CNTNAP4: variants seen among roughly 807,000 people sequenced by gnomAD.
The protein encoded by CNTNAP4 is contactin associated protein family member 4.
CNTNAP4 carries 98 observed loss-of-function variants against 148.4 expected under a neutral mutation model. The ratio of observed to expected loss-of-function variants is 0.66; its 90% CI spans 0.56 to 0.78. The LOEUF (loss-of-function observed/expected upper bound fraction) is 0.78, where lower values mean the gene tolerates loss of function less well. Among genes scored for constraint, CNTNAP4 ranks in the 30% least tolerant of loss-of-function variants. The pLI is 0.00. For synonymous variants in CNTNAP4, 730 were observed against 565.1 expected (o/e 1.29, Z -4.14); for missense variants, 1,935 against 1,565.6 (o/e 1.24, Z -3.98).
chr16:76,356,548 G>C (rs1253303014), intron 3 of CNTNAP4, among the ~76,000 whole-genome samples: 1 of 152,164 alleles, frequency 6.6e-6, no homozygotes, highest in Non-Finnish European at 1.5e-5. Context: ...AAGGATGTTT[G>C]TTTGATAACA....
intron 2 of CNTNAP4, among the ~76,000 whole-genome samples, chr16:76,331,273 C>T (rs369790841): frequency 8.6e-5 from 13 of 151,760 alleles, no homozygotes; most frequent in African/African-American, 1.7e-4. Flanking sequence ...CTGTAAGCTC[C>T]GCCTCCCGGG....
chr16:76,501,238 A>G (rs1012341448), intron 15 of CNTNAP4, among the ~76,000 whole-genome samples: 4 of 152,258 alleles, frequency 2.6e-5, no homozygotes, highest in African/African-American at 4.8e-5. Flanking sequence ...ATGAGGTTGT[A>G]AACTTCGGAT....
At chr16:76,485,331 G>A (rs778887893) in intron 12 of CNTNAP4, among the ~76,000 whole-genome samples, 24 of 151,824 alleles carry the variant, frequency 1.6e-4, no homozygotes, top group Non-Finnish European at 2.6e-4. Flanking sequence ...TGGTCAGGCT[G>A]GTCTCGAACT....
intron 12 of CNTNAP4, among the ~76,000 whole-genome samples, chr16:76,484,532 T>G (rs2081957404): frequency 6.6e-6 from 1 of 152,148 alleles, no homozygotes. Context: ...GTGTTACTAC[T>G]TGAAACTTTC....
chr16:76,482,464 T>C (rs760665567), intron 12 of CNTNAP4, among the ~76,000 whole-genome samples: 21 of 151,056 alleles, frequency 1.4e-4, no homozygotes, highest in Non-Finnish European at 8.8e-5. Flanking sequence ...AGATGTCTGT[T>C]TTTCCATGTT....
At chr16:76,304,500 C>G (rs1199480412) in intron 1 of CNTNAP4, among the ~76,000 whole-genome samples, 1 of 152,146 alleles carries the variant, frequency 6.6e-6, no homozygotes, top group Non-Finnish European at 1.5e-5. Context: ...GAGCCTGGAG[C>G]ATCCCCAAGG....
chr16:76,476,011 C>A lies in CNTNAP4; in HGVS notation c.1728C>A (p.Thr576=). 6.2e-7 allele frequency: 1 copy of A among 1,613,380 alleles called. No individual in the cohort carries two copies. The highest frequency in any genetic ancestry group is 1.1e-5 in the South Asian group (1 of 91,054). Residue 576 remains threonine, a synonymous_variant, in exon 11 of 24, where the codon ACC becomes ACA. Transcript: ENST00000611870. ...QSWSTFHCNC[T]NTGYRGATCH... ...GGAGCACCTTTCATTGTAACTGTACCAACACTGGTTACAGAGGAGCTACTT... is the reference window on the plus strand; with the variant it reads ...GGAGCACCTTTCATTGTAACTGTACAAACACTGGTTACAGAGGAGCTACTT...
At chr16:76,283,444 C>T (rs1456003193) in intron 1 of CNTNAP4, among the ~76,000 whole-genome samples, 1 of 151,870 alleles carries the variant, frequency 6.6e-6, no homozygotes, top group Non-Finnish European at 1.5e-5. Flanking sequence ...ATAAAGAAAA[C>T]TGGTACATAT....
At chr16:76,313,891 CTAAA>C (rs987364187) in intron 1 of CNTNAP4, among the ~76,000 whole-genome samples, 53 of 152,000 alleles carry the variant, frequency 3.5e-4, no homozygotes, top group African/African-American at 8.4e-4. Flanking sequence ...ATGTTAAAAA[CTAAA>C]TAGAGAAATA....
rs1568498033 is a variant in CNTNAP4, at chr16:76,522,732, T to TC, written c.2755+475_2755+476insC. The stretch of plus-strand genomic sequence containing the variant: ...TTTTCTTTTCTTTTCTTTTCTTTTC[T>TC]TTTCTTTTCTTTTCTTTTCTTTTCT... On this transcript the variant is annotated intron_variant, in intron 17 of 23. Transcript: ENST00000611870. 2.7e-4 allele frequency among the ~76,000 whole-genome samples: 27 copies of TC among 101,678 alleles called. 1 individual carries two copies. The highest frequency in any genetic ancestry group is 9.8e-4 in the South Asian group (3 of 3,060). The allele number at this position is 101,678 out of a possible 152,430, so 66.7% of individuals were successfully genotyped here.
At chr16:76,525,853 A>C (rs1032171834) in intron 17 of CNTNAP4, among the ~76,000 whole-genome samples, 50 of 148,176 alleles carry the variant, frequency 3.4e-4, no homozygotes, top group Non-Finnish European at 5.6e-4. Context: ...ATAATTACAT[A>C]TATAACTATA....
intron 23 of CNTNAP4, among the ~76,000 whole-genome samples, chr16:76,556,930 A>G (rs2085222814): frequency 6.6e-6 from 1 of 152,178 alleles, no homozygotes; most frequent in Non-Finnish European, 1.5e-5. Context: ...AGCAGGTTAT[A>G]TGCACAGGAA....
chr16:76,412,645 C>T (rs991229498), intron 3 of CNTNAP4, among the ~76,000 whole-genome samples: 5 of 149,944 alleles, frequency 3.3e-5, no homozygotes, highest in Non-Finnish European at 6.0e-5. Context: ...GCAAATATTT[C>T]GTAGATTTGT....
chr16:76,530,931 C>A (rs551484711), intron 17 of CNTNAP4, among the ~76,000 whole-genome samples: 11 of 152,262 alleles, frequency 7.2e-5, no homozygotes, highest in African/African-American at 2.6e-4. Flanking sequence ...CAACTTTTTC[C>A]CTTCAATCTC....
At chr16:76,466,330 CCTA>C (rs1300727111) in intron 9 of CNTNAP4, among the ~76,000 whole-genome samples, 1 of 151,954 alleles carries the variant, frequency 6.6e-6, no homozygotes, top group Non-Finnish European at 1.5e-5. Flanking sequence ...ATGAATAAGA[CCTA>C]CTATAGGATA....
chr16:76,343,874 A>C (rs11862392), intron 2 of CNTNAP4, among the ~76,000 whole-genome samples: 3,362 of 152,278 alleles, frequency 0.022, 142 homozygotes, highest in African/African-American at 0.076. Context: ...CATAAACCTC[A>C]TAATAGCAAA....
At chr16:76,472,312 A>G (rs2081405050) in intron 10 of CNTNAP4, among the ~76,000 whole-genome samples, 1 of 152,044 alleles carries the variant, frequency 6.6e-6, no homozygotes, top group South Asian at 2.1e-4. Context: ...AATCTTTCAC[A>G]TTTGAATTAA....
intron 21 of CNTNAP4, among the ~76,000 whole-genome samples, chr16:76,546,075 A>C (rs1014738107): frequency 6.6e-6 from 1 of 152,122 alleles, no homozygotes; most frequent in Admixed American, 6.5e-5. Context: ...CACCAGGAAT[A>C]AGTAAAAAAT....
chr16:76,513,365 G>T (rs896712539), intron 15 of CNTNAP4, among the ~76,000 whole-genome samples: 8 of 152,112 alleles, frequency 5.3e-5, no homozygotes, highest in Admixed American at 5.2e-4. Context: ...GTGAAGGCAT[G>T]AAGGAAATAT....
Sources: allele counts gnomAD v4.1 joint callset (sites outside exome capture counted in the v4.1 genomes callset), GRCh38; gene constraint gnomAD v4.1.1; transcripts MANE v1.5; gene names NCBI Gene and HGNC (gene_info 2026-07-23, HGNC 2026-07-21).